Variants in LRRC37B observed in about 807,000 individuals in gnomAD.
The protein encoded by LRRC37B is leucine rich repeat containing 37B.
LRRC37B carries 28 observed loss-of-function variants against 98.3 expected under a neutral mutation model. The ratio of observed to expected loss-of-function variants is 0.28; its 90% CI spans 0.21 to 0.39. LRRC37B has a LOEUF of 0.39. Among genes scored for constraint, LRRC37B ranks in the 10% least tolerant of loss-of-function variants. The probability of loss-of-function intolerance (pLI) is 1.00; values close to 1 mark genes in which losing one functional copy is unlikely to be tolerated. For missense variants in LRRC37B, 938 were observed against 1,182.7 expected, an observed-to-expected ratio of 0.79 and a Z score of 3.03; for synonymous variants, 364 against 442.7, an observed-to-expected ratio of 0.82 and a Z score of 2.23.
rs1314736233 is a variant in LRRC37B, at chr17:32,015,127, C to T, written c.-190-2845C>T. ...CCTGGGCGACAGAGCGACTCTGTCTCAAAAAAAAGAAAGCACCTGTAAAAG... is the reference window on the plus strand; with the variant it reads ...CCTGGGCGACAGAGCGACTCTGTCTTAAAAAAAAGAAAGCACCTGTAAAAG... On this transcript the variant is annotated intron_variant, in intron 1 of 14. Coordinates refer to the LRRC37B transcript ENST00000543378. Among the ~76,000 whole-genome samples the T allele has an allele frequency of 2.0e-5, 3 of 150,854 alleles. No individual in the cohort carries two copies. In the East Asian group the frequency reaches 5.8e-4, roughly 29 times the overall value.
At chr17:32,007,838 G>C (rs1424886133), upstream of LRRC37B, 1 of 1,170,332 alleles carries the variant, frequency 8.5e-7, no homozygotes, top group African/African-American at 1.6e-5. This position sits in a 1 kb window ranked among gnomAD's most constrained non-coding sequence, Gnocchi z 4.1. Flanking sequence ...CACCGCCGCC[G>C]GCCCGCCCCG....
At chr17:32,023,607 T>C (rs1252371389) in intron 1 of LRRC37B, among the ~76,000 whole-genome samples, 1 of 152,242 alleles carries the variant, frequency 6.6e-6, no homozygotes, top group Non-Finnish European at 1.5e-5. Context: ...CTGGGGATTA[T>C]GCTAGTTACC....
At chr17:32,020,627 G>A (rs1567613072), upstream of LRRC37B, 2 of 445,990 alleles carry the variant, frequency 4.5e-6, no homozygotes, top group Non-Finnish European at 6.0e-6. Flanking sequence ...TAGCGAAAAC[G>A]GCAACATTTT....
At chr17:32,030,525 A>C in intron 3 of LRRC37B, 131 bp from the exon 7 acceptor site, 1 of 695,306 alleles carries the variant, frequency 1.4e-6, no homozygotes, top group East Asian at 3.2e-5. Flanking sequence ...TGGAAAGTTC[A>C]AATACAGGTC....
At chr17:32,021,501 C>G (rs1291050491) in exon 1 of LRRC37B, 1 of 1,614,070 alleles carries the variant, frequency 6.2e-7, no homozygotes, top group Non-Finnish European at 8.5e-7. Context: ...GGCTGCACAT[C>G]AGGACTTAAA....
At chr17:32,022,867 G>C in intron 1 of LRRC37B, 42 bp downstream of exon 4, 1 of 1,581,150 alleles carries the variant, frequency 6.3e-7, no homozygotes, top group South Asian at 1.1e-5. Context: ...TGTCTTGCCT[G>C]ACATGGCAGC....
chr17:32,049,542 T>C (rs1911688020), intron 10 of LRRC37B, 148 bp downstream of exon 13: 3 of 742,402 alleles, frequency 4.0e-6, no homozygotes, highest in East Asian at 2.7e-5. Flanking sequence ...CCCACTTTGC[T>C]CATGTAGACA....
chr17:32,008,248 A>G (rs773573476), intron 1 of LRRC37B, 116 bp downstream of exon 1: 2 of 179,692 alleles, frequency 1.1e-5, no homozygotes, highest in Non-Finnish European at 2.6e-5. Flanking sequence ...GCCGACCCCT[A>G]AACTTTAGAG....
At chr17:32,037,701 T>C (rs189581435) in intron 7 of LRRC37B, among the ~76,000 whole-genome samples, 156 of 152,370 alleles carry the variant, frequency 1.0e-3, no homozygotes, top group Admixed American at 2.7e-3. Flanking sequence ...TGTGCAAATA[T>C]CTTCTTTACT....
At chr17:32,029,850 C>T (rs1911064203) in intron 3 of LRRC37B, among the ~76,000 whole-genome samples, 1 of 152,190 alleles carries the variant, frequency 6.6e-6, no homozygotes, top group African/African-American at 2.4e-5. Flanking sequence ...CAGTTCTGGA[C>T]TCCGCCCTCA....
At position 32,033,100 on chromosome 17, in the gene LRRC37B, G is replaced by C. The variant is rs1158233973; in HGVS notation, c.2057+1642G>C. On this transcript the variant is annotated intron_variant, in intron 5 of 11. Coordinates refer to ENST00000327564, the Ensembl canonical transcript of LRRC37B. ...AATCACTTGAACCCAGGAGGCGGAG[G>C]TTGCAGTGAGCCAAGGTCATGCCAT... 2.6e-5 allele frequency among the ~76,000 whole-genome samples: 4 copies of C among 152,198 alleles called. No individual in the cohort carries two copies. The East Asian group carries it at 7.7e-4, about 29-fold the overall frequency.
upstream of LRRC37B, among the ~76,000 whole-genome samples, chr17:32,020,169 A>G (rs1910729560): frequency 1.3e-5 from 2 of 151,942 alleles, no homozygotes; most frequent in South Asian, 2.1e-4. Flanking sequence ...AACCATCACT[A>G]TGCACCCCGT....
chr17:32,038,253 A>G (rs1911309280), intron 7 of LRRC37B, among the ~76,000 whole-genome samples: 1 of 152,146 alleles, frequency 6.6e-6, no homozygotes, highest in Non-Finnish European at 1.5e-5. Context: ...TGAGGCCAGG[A>G]GTTTTAGACC....
At chr17:32,049,593 G>A (rs1911689199) in intron 10 of LRRC37B, among the ~76,000 whole-genome samples, 199 bp downstream of exon 13, 1 of 152,178 alleles carries the variant, frequency 6.6e-6, no homozygotes, top group Non-Finnish European at 1.5e-5. Flanking sequence ...TAGGCCGGGG[G>A]TGGTAGCTCA....
At chr17:32,048,219 T>G (rs1410177055) in intron 9 of LRRC37B, among the ~76,000 whole-genome samples, 2 of 149,922 alleles carry the variant, frequency 1.3e-5, no homozygotes, top group Admixed American at 6.6e-5. Flanking sequence ...GTGAACAGAG[T>G]CCTCATGGGC....
chr17:32,034,246 A>G (rs992261241), intron 5 of LRRC37B, among the ~76,000 whole-genome samples: 3 of 152,166 alleles, frequency 2.0e-5, no homozygotes, highest in African/African-American at 7.2e-5. Flanking sequence ...TCAGGCCTGT[A>G]ATCCTAACAC....
chr17:32,026,274 G>A (rs564180362), intron 2 of LRRC37B, among the ~76,000 whole-genome samples: 76 of 152,276 alleles, frequency 5.0e-4, no homozygotes, highest in African/African-American at 1.7e-3. Context: ...CAGCACCTCG[G>A]GAGTTCGAGG....
intron 5 of LRRC37B, among the ~76,000 whole-genome samples, chr17:32,033,367 G>A (rs1452804299): frequency 6.6e-6 from 1 of 151,036 alleles, no homozygotes; most frequent in East Asian, 1.9e-4. Context: ...GGGAAAGAAG[G>A]AGGGAGGGAG....
In LRRC37B at chr17:32,035,716, T is replaced by G. The variant is rs1911229501; in HGVS notation, c.2204+77T>G. The G allele has an allele frequency of 2.1e-6, 3 of 1,396,162 alleles. No homozygotes were observed. In the Admixed American group the frequency reaches 6.1e-5, roughly 28 times the overall value. 86.5% of individuals were successfully genotyped at this position (1,396,162 alleles called of 1,614,324 possible). A position where few individuals can be genotyped will look rare whatever the true frequency, so the allele number is the denominator to read the frequency against. ...GTTTTATTATTTTCTTAAGTCAGGT[T>G]TATTGAGATTTAATTTTCATATAAC... On this transcript the variant is annotated intron_variant, in intron 7 of 11. Coordinates refer to ENST00000327564, the Ensembl canonical transcript of LRRC37B.
Sources: gnomAD v4.1 joint callset for allele counts (sites outside exome capture counted in the v4.1 genomes callset) on GRCh38, gnomAD v4.1.1 for gene constraint, Gnocchi (gnomAD v3.1) non-coding constraint, MANE v1.5 for transcripts, NCBI Gene and HGNC (gene_info 2026-07-23, HGNC 2026-07-21) for gene names.